The following SMURF1 variants were observed in gnomAD, a reference collection of about 807,000 sequenced individuals.
SMURF1 encodes SMAD specific E3 ubiquitin protein ligase 1.
SMURF1 carries 44 observed loss-of-function variants against 98.0 expected under a neutral mutation model. The ratio of observed to expected loss-of-function variants is 0.45; its 90% CI spans 0.35 to 0.58. SMURF1 has a LOEUF of 0.58. Ranked by LOEUF, SMURF1 falls within the 20% of genes least tolerant of loss-of-function variation. The pLI is 0.00. For missense variants in SMURF1, 687 were observed against 938.4 expected (o/e 0.73, Z 3.50); for synonymous variants, 396 against 374.9 (o/e 1.06, Z -0.65).
At chr7:99,084,898 T>C (rs968830180) in intron 1 of SMURF1, among the ~76,000 whole-genome samples, 1 of 152,138 alleles carries the variant, frequency 6.6e-6, no homozygotes, top group African/African-American at 2.4e-5. Context: ...TTCTCATGAA[T>C]GATTTAACAC....
At chr7:99,052,614 TCAAA>T (rs1396304346) in intron 6 of SMURF1, among the ~76,000 whole-genome samples, 168 bp from the exon 7 acceptor site, 1 of 152,158 alleles carries the variant, frequency 6.6e-6, no homozygotes, top group Admixed American at 6.5e-5. Context: ...CATGTGCCAC[TCAAA>T]CAGAAAGACA....
chr7:99,094,253 T>C (rs1014672362), intron 1 of SMURF1, among the ~76,000 whole-genome samples: 1 of 152,354 alleles, frequency 6.6e-6, no homozygotes, highest in Non-Finnish European at 1.5e-5. Flanking sequence ...AGAATGTCTC[T>C]ATTAATTGAA....
At chr7:99,077,995 A>T (rs918154279) in intron 1 of SMURF1, among the ~76,000 whole-genome samples, 2 of 149,854 alleles carry the variant, frequency 1.3e-5, no homozygotes, top group African/African-American at 2.4e-5. Flanking sequence ...GTCTTTATTT[A>T]AAAAAAAAAT....
chr7:99,038,377 G>A lies in SMURF1; in HGVS notation c.1688+11C>T, dbSNP rs199690698. On this transcript the variant is annotated intron_variant, in intron 14 of 17. Transcript: ENST00000361368. ...CCCAGGCACCTGGCCGTCCCCGACA[G>A]GTGGCATTACCGGACGTATTCTTTC... 6.1e-4 allele frequency: 988 copies of A among 1,613,504 alleles called. 3 individuals carry two copies. Among genetic ancestry groups the A allele is most frequent in the Middle Eastern group, 5.4e-3 (31 of 5,792 alleles).
intron 16 of SMURF1, among the ~76,000 whole-genome samples, chr7:99,034,564 A>G (rs1475282229): frequency 2.0e-5 from 3 of 151,926 alleles, no homozygotes; most frequent in African/African-American, 7.3e-5. Flanking sequence ...TCATCCATGG[A>G]ATGGGGCTAA....
At chr7:99,038,637 CCTCGGGCAGA>C in intron 13 of SMURF1, 112 bp from the exon 14 acceptor site, 2 of 1,316,110 alleles carry the variant, frequency 1.5e-6, no homozygotes, top group Non-Finnish European at 2.1e-6. Flanking sequence ...GACAGGACAG[CCTCGGGCAGA>C]CACAGAACCT....
intron 1 of SMURF1, among the ~76,000 whole-genome samples, chr7:99,138,145 A>AT (rs1227053800): frequency 1.3e-5 from 2 of 151,992 alleles, no homozygotes; most frequent in Non-Finnish European, 2.9e-5. Flanking sequence ...TTAAAAAAAA[A>AT]TTAGCCTCTA....
At chr7:99,097,524 T>G (rs906056929) in intron 1 of SMURF1, among the ~76,000 whole-genome samples, 5 of 152,208 alleles carry the variant, frequency 3.3e-5, no homozygotes, top group Non-Finnish European at 5.9e-5. Context: ...GCTCTCTCTC[T>G]CACACATGTT....
intron 13 of SMURF1, 136 bp downstream of exon 13, chr7:99,040,242 G>T: frequency 2.0e-6 from 2 of 992,212 alleles, no homozygotes; most frequent in Non-Finnish European, 2.7e-6. Flanking sequence ...CCCTTTTTTT[G>T]TTTCAGGTTA....
chr7:99,078,562 A>G (rs1041975503), intron 1 of SMURF1, among the ~76,000 whole-genome samples: 2 of 147,664 alleles, frequency 1.4e-5, no homozygotes, highest in Non-Finnish European at 3.0e-5. Flanking sequence ...GTGAGCAGCC[A>G]GCAAGCAAGC....
chr7:99,091,602 A>G (rs1021916171), intron 1 of SMURF1, among the ~76,000 whole-genome samples: 1 of 152,142 alleles, frequency 6.6e-6, no homozygotes, highest in African/African-American at 2.4e-5. Context: ...CACCTCCCTC[A>G]CAAACAAAAT....
intron 1 of SMURF1, among the ~76,000 whole-genome samples, chr7:99,087,251 G>T (rs1171624439): frequency 3.9e-5 from 6 of 152,012 alleles, no homozygotes; most frequent in African/African-American, 1.4e-4. Flanking sequence ...CAGTCATGGT[G>T]CCATATGCCT....
intron 1 of SMURF1, among the ~76,000 whole-genome samples, chr7:99,086,765 G>A (rs959602678): frequency 2.6e-5 from 4 of 152,270 alleles, no homozygotes; most frequent in East Asian, 1.9e-4. Flanking sequence ...ATACTCCAAC[G>A]TAAGTGCACC....
At chr7:99,132,233 C>CT (rs1236268522) in intron 1 of SMURF1, among the ~76,000 whole-genome samples, 2 of 152,174 alleles carry the variant, frequency 1.3e-5, no homozygotes, top group African/African-American at 4.8e-5. Context: ...CAAGAAGTGG[C>CT]TATGAACGCA....
intron 1 of SMURF1, among the ~76,000 whole-genome samples, chr7:99,087,867 G>A (rs935382911): frequency 1.3e-5 from 2 of 151,924 alleles, no homozygotes; most frequent in Admixed American, 1.3e-4. Flanking sequence ...ATAATTATTT[G>A]TTGGATAAAT....
At chr7:99,133,422 T>A (rs553729809) in intron 1 of SMURF1, among the ~76,000 whole-genome samples, 1 of 151,762 alleles carries the variant, frequency 6.6e-6, no homozygotes, top group East Asian at 1.9e-4. Flanking sequence ...GGCTGCCATT[T>A]AAGGTATAGA....
At chr7:99,049,322 T>C (rs973432934) in intron 9 of SMURF1, 8 of 468,256 alleles carry the variant, frequency 1.7e-5, no homozygotes, top group African/African-American at 1.4e-4. Context: ...TACTGCCATC[T>C]CGGTAAATTT....
At chr7:99,130,724 A>T (rs1326675948) in intron 1 of SMURF1, among the ~76,000 whole-genome samples, 1 of 152,196 alleles carries the variant, frequency 6.6e-6, no homozygotes, top group East Asian at 1.9e-4. Context: ...TTTAAAAGAA[A>T]ACAATCGGTA....
chr7:99,140,867 G>A (rs1486807464), intron 1 of SMURF1, among the ~76,000 whole-genome samples: 1 of 151,594 alleles, frequency 6.6e-6, no homozygotes, highest in Non-Finnish European at 1.5e-5. Context: ...AATTTTGAAA[G>A]ATTGCTTCTC....
Sources: gnomAD v4.1 joint callset for allele counts (sites outside exome capture counted in the v4.1 genomes callset) on GRCh38, gnomAD v4.1.1 for gene constraint, MANE v1.5 for transcripts, NCBI Gene and HGNC (gene_info 2026-07-23, HGNC 2026-07-21) for gene names.